The following EFCAB5 variants were observed in gnomAD, a reference collection of about 807,000 sequenced individuals.
EFCAB5 encodes EF-hand calcium-binding domain-containing protein 5.
A neutral mutation model predicts 167.9 loss-of-function variants in EFCAB5; 131 were observed. That is an observed-to-expected ratio of 0.78 (90% CI 0.68 to 0.90). The LOEUF (loss-of-function observed/expected upper bound fraction) is 0.90, where lower values mean the gene tolerates loss of function less well. Among genes scored for constraint, EFCAB5 ranks in the 40% least tolerant of loss-of-function variants. EFCAB5 has a pLI of 0.00. For missense variants in EFCAB5, 1,663 were observed against 1,745.2 expected (o/e 0.95, Z 0.84); for synonymous variants, 574 against 602.8 (o/e 0.95, Z 0.70).
intron 4 of EFCAB5, among the ~76,000 whole-genome samples, chr17:29,975,127 G>A (rs1316623795): frequency 2.0e-5 from 3 of 152,032 alleles, no homozygotes; most frequent in Non-Finnish European, 4.4e-5. Context: ...AAACCAGTCA[G>A]TGGGCCAGAT....
At chr17:30,027,742 G>A (rs989171004) in intron 7 of EFCAB5, among the ~76,000 whole-genome samples, 2 of 152,074 alleles carry the variant, frequency 1.3e-5, no homozygotes, top group East Asian at 1.9e-4. Context: ...TTGGTCACTC[G>A]ATTTGAGGAG....
At chr17:30,054,300 T>C (rs1343530613) in intron 10 of EFCAB5, among the ~76,000 whole-genome samples, 152 bp downstream of exon 10, 2 of 152,232 alleles carry the variant, frequency 1.3e-5, no homozygotes, top group African/African-American at 4.8e-5. Flanking sequence ...CACATTAGTC[T>C]AGACCTTGAA....
At chr17:30,021,502 A>G (rs1160907948) in intron 7 of EFCAB5, among the ~76,000 whole-genome samples, 1 of 148,926 alleles carries the variant, frequency 6.7e-6, no homozygotes, top group East Asian at 1.9e-4. Flanking sequence ...GAGAAAATGG[A>G]GTGATATACA....
chr17:30,096,677 A>ATATATATTTTTTTT (rs1193558323), intron 22 of EFCAB5, among the ~76,000 whole-genome samples: 7 of 60,128 alleles, frequency 1.2e-4, no homozygotes, highest in African/African-American at 5.9e-4. Context: ...ATATATATAT[A>ATATATATTTTTTTT]TTTTTTTTTT....
intron 3 of EFCAB5, among the ~76,000 whole-genome samples, chr17:29,966,485 C>T (rs576311979): frequency 6.6e-6 from 1 of 151,908 alleles, no homozygotes; most frequent in Non-Finnish European, 1.5e-5. Context: ...GAAAAAAATA[C>T]AAAAATTCGC....
chr17:30,012,087 C>A (rs1356832654), intron 7 of EFCAB5, among the ~76,000 whole-genome samples: 1 of 152,184 alleles, frequency 6.6e-6, no homozygotes, highest in Admixed American at 6.5e-5. Context: ...GACAGGGCCA[C>A]CAGAGGGCTC....
At chr17:30,052,442 A>C (rs906739745) in intron 9 of EFCAB5, among the ~76,000 whole-genome samples, 2 of 152,190 alleles carry the variant, frequency 1.3e-5, no homozygotes, top group African/African-American at 4.8e-5. Flanking sequence ...CTGGGATTAC[A>C]GGCATTGAGC....
chr17:29,974,650 C>T (rs2068028260), intron 4 of EFCAB5, among the ~76,000 whole-genome samples: 1 of 152,068 alleles, frequency 6.6e-6, no homozygotes, highest in South Asian at 2.1e-4. Context: ...GGAGATAATC[C>T]TTTTTAACCA....
intron 7 of EFCAB5, among the ~76,000 whole-genome samples, chr17:30,027,811 G>A (rs945142614): frequency 6.6e-6 from 1 of 151,980 alleles, no homozygotes; most frequent in Non-Finnish European, 1.5e-5. Flanking sequence ...TTATTGTGGC[G>A]ACTCTAGCCC....
intron 12 of EFCAB5, among the ~76,000 whole-genome samples, chr17:30,056,904 C>T (rs886157794): frequency 5.3e-5 from 8 of 152,028 alleles, no homozygotes; most frequent in Admixed American, 3.3e-4. Context: ...TTTTGCTTTA[C>T]CAATATATGT....
At chr17:30,079,981 G>A in intron 15 of EFCAB5, 91 bp from the exon 16 acceptor site, 2 of 1,443,532 alleles carry the variant, frequency 1.4e-6, no homozygotes, top group South Asian at 1.4e-5. Context: ...AACTACTGGG[G>A]CAAGATGCAT....
intron 14 of EFCAB5, 46 bp downstream of exon 14, chr17:30,059,747 G>T: frequency 6.6e-7 from 1 of 1,507,250 alleles, no homozygotes; most frequent in African/African-American, 1.4e-5. Flanking sequence ...AATTAACTTG[G>T]CTTCAAGTTT....
intron 1 of EFCAB5, among the ~76,000 whole-genome samples, chr17:29,933,797 C>T (rs974777630): frequency 6.6e-6 from 1 of 152,118 alleles, no homozygotes; most frequent in Non-Finnish European, 1.5e-5. Context: ...TTTCTCATAC[C>T]TACTAAAACC....
intron 4 of EFCAB5, among the ~76,000 whole-genome samples, chr17:29,973,285 A>G (rs1051938845): frequency 3.3e-5 from 5 of 152,170 alleles, no homozygotes; most frequent in African/African-American, 1.2e-4. Context: ...TCCTTTCTGC[A>G]CCAAACTGCC....
At chr17:30,043,423 A>AT (rs2069830942) in intron 8 of EFCAB5, among the ~76,000 whole-genome samples, 1 of 152,174 alleles carries the variant, frequency 6.6e-6, no homozygotes. Flanking sequence ...GAAAAAAAAA[A>AT]GAAAACTCTG....
intron 3 of EFCAB5, among the ~76,000 whole-genome samples, chr17:29,946,429 C>CT (rs58247381): frequency 0.038 from 3,255 of 85,424 alleles, 261 homozygotes; most frequent in African/African-American, 0.11. Flanking sequence ...ATGGAAATTT[C>CT]TTTTTTTTTT....
intron 4 of EFCAB5, among the ~76,000 whole-genome samples, chr17:29,975,432 T>C (rs995681949): frequency 2.0e-5 from 3 of 152,148 alleles, no homozygotes; most frequent in African/African-American, 4.8e-5. Context: ...ATTTTTTGTA[T>C]TTTAAGTAGA....
intron 8 of EFCAB5, among the ~76,000 whole-genome samples, chr17:30,042,884 A>T (rs886694797): frequency 1.2e-4 from 19 of 152,214 alleles, no homozygotes; most frequent in African/African-American, 4.6e-4. Flanking sequence ...AGACCCAAAA[A>T]TCTTTAAGTT....
At chr17:30,068,967 A>G in intron 14 of EFCAB5, 1 of 1,500,092 alleles carries the variant, frequency 6.7e-7, no homozygotes, top group Non-Finnish European at 9.3e-7. Flanking sequence ...CAATTCAACA[A>G]CTACGAACAG....
Sources: gnomAD v4.1 joint callset for allele counts (sites outside exome capture counted in the v4.1 genomes callset) on GRCh38, gnomAD v4.1.1 for gene constraint, MANE v1.5 for transcripts, NCBI Gene and HGNC (gene_info 2026-07-23, HGNC 2026-07-21) for gene names.